The following TMEM117 variants were observed in gnomAD, a reference collection of about 807,000 sequenced individuals.
TMEM117 encodes transmembrane protein 117.
A neutral mutation model predicts 52.4 loss-of-function variants in TMEM117; 27 were observed. The ratio of observed to expected loss-of-function variants is 0.51; its 90% confidence interval spans 0.38 to 0.71. TMEM117 has a LOEUF of 0.71. Ranked by LOEUF, TMEM117 falls within the 30% of genes least tolerant of loss-of-function variation. The probability of loss-of-function intolerance (pLI) is 0.00; values close to 1 mark genes in which losing one functional copy is unlikely to be tolerated. For missense variants in TMEM117, 556 were observed against 630.5 expected, an observed-to-expected ratio of 0.88 and a Z score of 1.26; for synonymous variants, 215 against 206.3, an observed-to-expected ratio of 1.04 and a Z score of -0.36.
intron 3 of TMEM117, among the ~76,000 whole-genome samples, chr12:43,994,631 TC>T (rs1213173683): frequency 6.6e-6 from 1 of 152,182 alleles, no homozygotes; most frequent in Non-Finnish European, 1.5e-5. Flanking sequence ...TATAGTTTTT[TC>T]TTTTTTATCT....
chr12:44,335,437 A>G (rs1298776268), intron 6 of TMEM117, among the ~76,000 whole-genome samples: 1 of 152,084 alleles, frequency 6.6e-6, no homozygotes, highest in Non-Finnish European at 1.5e-5. Flanking sequence ...ATTGATCATC[A>G]TAGCAGTTCA....
At chr12:43,798,788 T>C in the TMEM117 span, among the ~76,000 whole-genome samples, 12 of 152,122 alleles carry the variant, frequency 7.9e-5, no homozygotes, top group Middle Eastern at 3.4e-3. Context: ...AGCTAATGAA[T>C]AGTGGTTTCA....
At chr12:44,275,186 C>G (rs1950497034) in intron 5 of TMEM117, among the ~76,000 whole-genome samples, 1 of 152,084 alleles carries the variant, frequency 6.6e-6, no homozygotes. Context: ...GGCAAACAGG[C>G]AGATGAAAAG....
intron 4 of TMEM117, among the ~76,000 whole-genome samples, chr12:44,152,434 T>G (rs1266029000): frequency 1.7e-5 from 2 of 115,590 alleles, no homozygotes; most frequent in Non-Finnish European, 3.2e-5. Context: ...ATTTATATAT[T>G]ATATTTATAT....
chr12:44,088,695 G>A (rs983950550), intron 3 of TMEM117, among the ~76,000 whole-genome samples: 2 of 152,190 alleles, frequency 1.3e-5, no homozygotes, highest in Non-Finnish European at 2.9e-5. Context: ...ATGGATCTTA[G>A]GTAGTTCTGG....
intron 3 of TMEM117, chr12:44,008,683 C>G (rs1318195294): frequency 3.2e-6 from 1 of 313,080 alleles, no homozygotes; most frequent in Non-Finnish European, 6.3e-6. Flanking sequence ...TAAGACGGTT[C>G]AACCACCTAC....
At chr12:44,224,822 T>C (rs1286033908) in intron 5 of TMEM117, among the ~76,000 whole-genome samples, 1 of 152,068 alleles carries the variant, frequency 6.6e-6, no homozygotes, top group Non-Finnish European at 1.5e-5. Flanking sequence ...AAACTGGTAA[T>C]TTAAAAAAAT....
At chr12:43,928,140 G>A (rs1456198587) in intron 2 of TMEM117, among the ~76,000 whole-genome samples, 1 of 151,906 alleles carries the variant, frequency 6.6e-6, no homozygotes, top group East Asian at 1.9e-4. Context: ...CTATTCTAAA[G>A]CTGATCAATA....
rs12302174 is a variant in TMEM117, at chr12:44,237,699, A to G, written c.608+26312A>G. The stretch of plus-strand genomic sequence containing the variant: ...ACCACCGCACTCCCGCCTGGGAGAC[A>G]GAGTGAGACCCTGTCTCAATTAAAA... On this transcript the variant is annotated intron_variant, in intron 5 of 7. Coordinates refer to ENST00000266534, the MANE Select transcript of TMEM117 (RefSeq NM_032256.3). Among the ~76,000 whole-genome samples, 1,429 of 152,176 alleles carry G rather than the reference A, an allele frequency of 9.4e-3. 27 individuals carry two copies. Among genetic ancestry groups the G allele is most frequent in the African/African-American group, 0.032 (1,332 of 41,564 alleles).
Position 44,363,599 on chromosome 12 carries a change from A to G in TMEM117, c.769-12996A>G, listed in dbSNP as rs533754310. On this transcript the variant is annotated intron_variant, in intron 6 of 7. Transcript: ENST00000266534. Reference sequence around the variant, plus strand: ...TGATAATTATTCTTTCTCATTGTATATAATTGAGGCTTAGGAAGTAAAATT... The same window carrying G: ...TGATAATTATTCTTTCTCATTGTATGTAATTGAGGCTTAGGAAGTAAAATT... Among the ~76,000 whole-genome samples, 25 of 152,304 alleles carry G rather than the reference A, an allele frequency of 1.6e-4. No homozygotes were observed. In the South Asian group the frequency reaches 5.0e-3, roughly 30 times the overall value.
Position 43,944,903 on chromosome 12 carries a change from G to A in TMEM117, c.410+561G>A, listed in dbSNP as rs991382100. On this transcript the variant is annotated intron_variant, in intron 3 of 7. Transcript: ENST00000266534. ...CTGAGGCAGCGGATCACAAGGTCAG[G>A]AGATGGAGACCATCCTAGCCAACAT... 6.6e-4 allele frequency among the ~76,000 whole-genome samples: 100 copies of A among 152,014 alleles called. 3 individuals carry two copies. The highest frequency in any genetic ancestry group is 1.3e-4 in the Admixed American group (2 of 15,246).
intron 3 of TMEM117, among the ~76,000 whole-genome samples, chr12:44,064,734 G>A (rs548985702): frequency 9.2e-5 from 14 of 152,172 alleles, no homozygotes; most frequent in South Asian, 4.2e-4. Flanking sequence ...ATAATTTAGC[G>A]TTCAATAACA....
At chr12:44,362,829 T>C (rs1344760228) in intron 6 of TMEM117, among the ~76,000 whole-genome samples, 2 of 100,812 alleles carry the variant, frequency 2.0e-5, no homozygotes, top group East Asian at 2.1e-3. Context: ...TTTTCTTTCC[T>C]TTTCTTTTTT....
chr12:44,100,217 CG>C (rs1947838502), intron 3 of TMEM117, among the ~76,000 whole-genome samples: 1 of 151,854 alleles, frequency 6.6e-6, no homozygotes, highest in South Asian at 2.1e-4. Context: ...GCCCCATAAA[CG>C]TGCCAGATGG....
At chr12:43,996,662 A>AAATAAATG (rs990960627) in intron 3 of TMEM117, among the ~76,000 whole-genome samples, 9 of 151,834 alleles carry the variant, frequency 5.9e-5, no homozygotes, top group Admixed American at 3.3e-4. Context: ...ATAAATAAAT[A>AAATAAATG]AATAAATAAA....
At chr12:44,371,012 G>A (rs988386268) in intron 6 of TMEM117, among the ~76,000 whole-genome samples, 4 of 151,956 alleles carry the variant, frequency 2.6e-5, no homozygotes, top group African/African-American at 4.8e-5. Context: ...GGATTTATTC[G>A]GCCAAGTGAT....
chr12:43,984,282 C>T (rs553208018), intron 3 of TMEM117, among the ~76,000 whole-genome samples: 6 of 151,988 alleles, frequency 3.9e-5, no homozygotes, highest in South Asian at 4.2e-4. Flanking sequence ...GCATGAGAAT[C>T]GCTTAAACCC....
chr12:43,894,122 A>G (rs1160283714), intron 2 of TMEM117, among the ~76,000 whole-genome samples: 3 of 152,324 alleles, frequency 2.0e-5, no homozygotes, highest in South Asian at 2.1e-4. Context: ...CTCAGATTCA[A>G]GAGTGGAAAG....
Position 43,864,891 on chromosome 12 carries a change from AC to A in TMEM117, c.277+19964del, listed in dbSNP as rs564535919. On this transcript the variant is annotated intron_variant, in intron 2 of 7. Coordinates refer to ENST00000266534, the MANE Select transcript of TMEM117 (RefSeq NM_032256.3). ...CCACACTGCCTTTATGAGCTGTAAC[AC>A]TCACCACAAAGGTCTGCAGCTTCAC... Among the ~76,000 whole-genome samples the A allele has an allele frequency of 7.9e-3, 1,205 of 152,032 alleles. 21 individuals are homozygous for A. The highest frequency in any genetic ancestry group is 0.028 in the African/African-American group (1,162 of 41,448).
Sources: gnomAD v4.1 joint callset for allele counts (sites outside exome capture counted in the v4.1 genomes callset) on GRCh38, gnomAD v4.1.1 for gene constraint, MANE v1.5 for transcripts, NCBI Gene and HGNC (gene_info 2026-07-23, HGNC 2026-07-21) for gene names.